CCDC144A: variants seen among roughly 807,000 people sequenced by gnomAD.
CCDC144A encodes coiled-coil domain containing 144A.
Under a neutral mutation model 143.8 loss-of-function variants are expected in CCDC144A, and 41 were observed. The ratio of observed to expected loss-of-function variants is 0.29; its 90% confidence interval spans 0.22 to 0.37. The LOEUF (loss-of-function observed/expected upper bound fraction) is 0.37, where lower values mean the gene tolerates loss of function less well. CCDC144A is among the 10% of genes least tolerant of loss of function. CCDC144A has a pLI of 1.00. For synonymous variants in CCDC144A, 242 were observed against 517.9 expected (o/e 0.47, Z 7.23); for missense variants, 637 against 1,488.8 (o/e 0.43, Z 9.41).
At chr17:16,691,645 G>A (rs1031381859) in intron 1 of CCDC144A, among the ~76,000 whole-genome samples, 2 of 152,030 alleles carry the variant, frequency 1.3e-5, no homozygotes, top group Non-Finnish European at 2.9e-5. Context: ...GGCGCCTGTA[G>A]TCCCAGCTAC....
At chr17:16,728,371 A>G (rs1273793338) in intron 9 of CCDC144A, among the ~76,000 whole-genome samples, 1 of 152,182 alleles carries the variant, frequency 6.6e-6, no homozygotes, top group African/African-American at 2.4e-5. Context: ...GTTTTTCTAC[A>G]TTCCTAAACT....
chr17:16,674,718 G>T, the CCDC144A span, among the ~76,000 whole-genome samples: 7 of 152,108 alleles, frequency 4.6e-5, no homozygotes, highest in South Asian at 1.5e-3. Context: ...CCAACAATAT[G>T]ATAAACTTCT....
At chr17:16,717,736 G>GT (rs1912858361) in intron 6 of CCDC144A, among the ~76,000 whole-genome samples, 5 of 152,008 alleles carry the variant, frequency 3.3e-5, no homozygotes, top group Non-Finnish European at 5.9e-5. Flanking sequence ...TCATAACTGT[G>GT]TTTTTTGAAT....
Position 16,777,476 on chromosome 17 carries a change from C to T in CCDC144A, c.*3843C>T, listed in dbSNP as rs2143433474. The T allele has an allele frequency of 6.9e-6, 1 of 144,444 alleles. No homozygotes were observed. Among genetic ancestry groups the T allele is most frequent in the South Asian group, 2.3e-4 (1 of 4,400 alleles). 8.9% of individuals were successfully genotyped at this position (144,444 alleles called of 1,614,324 possible). ...ATATGATAGGGCACAAAACAAGTCT[C>T]AGTAAATTTAAGAAAATCAGAATTA... is the stretch of plus-strand genomic sequence containing the variant. On this transcript the variant is annotated 3_prime_UTR_variant, in exon 17 of 17. Coordinates refer to ENST00000399273, the MANE Select transcript of CCDC144A (RefSeq NM_001382000.1).
chr17:16,687,424 A>G (rs1442736330), upstream of CCDC144A, among the ~76,000 whole-genome samples: 1 of 152,104 alleles, frequency 6.6e-6, no homozygotes, highest in Non-Finnish European at 1.5e-5. Context: ...TTCAAAAACA[A>G]TATTAGTCTT....
At chr17:16,687,835 T>C (rs1236445389), upstream of CCDC144A, among the ~76,000 whole-genome samples, 3 of 152,176 alleles carry the variant, frequency 2.0e-5, no homozygotes, top group Admixed American at 6.5e-5. Context: ...GGGCATTTCA[T>C]TCCTCTGATC....
intron 12 of CCDC144A, chr17:16,737,594 G>A (rs2261445): frequency 0.064 from 82,720 of 1,296,596 alleles, 3,276 homozygotes; most frequent in East Asian, 0.16. Flanking sequence ...AACAACCTAC[G>A]TCAGAGGCTA....
chr17:16,671,822 GAAAC>G, the CCDC144A span, among the ~76,000 whole-genome samples: 5 of 151,962 alleles, frequency 3.3e-5, 1 homozygote, highest in Non-Finnish European at 7.4e-5. Flanking sequence ...GAGACAGGCT[GAAAC>G]AAACAAGAAA....
chr17:16,684,166 G>A, the CCDC144A span: 26 of 1,140,996 alleles, frequency 2.3e-5, 2 homozygotes, highest in South Asian at 3.2e-4. Context: ...CAGGGAAAGA[G>A]GTGATCAACA....
rs148291654 is a variant in CCDC144A, at chr17:16,768,317, A to G, written c.4099-3660A>G. ...CCCCAATAAAACTTGTTTAATACCA[A>G]ACAGGTCCTATTAAGAATTCCTTCA... On this transcript the variant is annotated intron_variant, in intron 15 of 16. Transcript: ENST00000399273. Among the ~76,000 whole-genome samples, 296 of 152,242 alleles carry G rather than the reference A, an allele frequency of 1.9e-3. 1 individual carries two copies. The highest frequency in any genetic ancestry group is 6.6e-3 in the African/African-American group (276 of 41,534).
At position 16,724,787 on chromosome 17, in the gene CCDC144A, A is replaced by ATTTT. The variant is rs760344292; in HGVS notation, c.1892-2707_1892-2704dup. Among the ~76,000 whole-genome samples, 102 of 35,046 alleles carry ATTTT rather than the reference A, an allele frequency of 2.9e-3. 7 individuals are homozygous for ATTTT. Among genetic ancestry groups the ATTTT allele is most frequent in the Non-Finnish European group, 3.8e-3 (73 of 19,292 alleles). 23.0% of individuals were successfully genotyped at this position (35,046 alleles called of 152,430 possible). ...AGATTACACGTTCTTGATTAACTGA[A>ATTTT]TTTTTTTTTTTTTTTTTTTTTTTTT... On this transcript the variant is annotated intron_variant, in intron 8 of 16. Transcript: ENST00000399273.
the CCDC144A span, among the ~76,000 whole-genome samples, chr17:16,668,919 C>T: frequency 6.6e-6 from 1 of 152,128 alleles, no homozygotes; most frequent in Non-Finnish European, 1.5e-5. Context: ...TAATTACCTT[C>T]AAAGGCCCTA....
rs2143180263 is a variant in CCDC144A, at chr17:16,720,555, C to T, written c.1788C>T (p.Asp596=). ...TATATCCTGAGGCTGACTTTGCTGA[C>T]TCAATGGAGCCATCTGAAATAGCCT... ...NQIYPEADFA[D]SMEPSEIASE... is the part of the protein sequence containing the mutation. The change falls in exon 8 of 17, where the codon GAC becomes GAT. Residue 596 remains aspartate (D), a synonymous_variant. Coordinates refer to ENST00000399273, the MANE Select transcript of CCDC144A (RefSeq NM_001382000.1). 6.2e-7 allele frequency: 1 copy of T among 1,606,576 alleles called. No individual in the cohort carries two copies. The highest frequency in any genetic ancestry group is 2.2e-5 in the East Asian group (1 of 44,832).
chr17:16,667,395 A>C, the CCDC144A span, among the ~76,000 whole-genome samples: 1 of 147,324 alleles, frequency 6.8e-6, no homozygotes, highest in African/African-American at 2.5e-5. Context: ...GAGGGGCTTG[A>C]GGGGCCGAGC....
rs1915976335 is a variant in CCDC144A at position 16,775,585 on chromosome 17, T to G, written c.*1952T>G. 6.6e-6 allele frequency: 1 copy of G among 152,228 alleles called. No individual in the cohort carries two copies. Among genetic ancestry groups the G allele is most frequent in the Non-Finnish European group, 1.5e-5 (1 of 68,052 alleles). 9.4% of individuals were successfully genotyped at this position (152,228 alleles called of 1,614,324 possible). A position where few individuals can be genotyped will look rare whatever the true frequency, so the allele number is the denominator to read the frequency against. The stretch of plus-strand genomic sequence containing the variant: ...TTCTTGTAAATTTGTTTAAGTTCCT[T>G]GTAGATGCTGGATATTAGACCTTTG... On this transcript the variant is annotated 3_prime_UTR_variant, in exon 17 of 17. Transcript: ENST00000399273.
the CCDC144A span, among the ~76,000 whole-genome samples, chr17:16,674,429 A>G: frequency 2.0e-5 from 3 of 152,110 alleles, no homozygotes; most frequent in Non-Finnish European, 2.9e-5. Context: ...GTTACATTGA[A>G]AAGAAAGTTG....
chr17:16,736,442 T>C (rs920118604), intron 12 of CCDC144A, among the ~76,000 whole-genome samples: 31 of 151,928 alleles, frequency 2.0e-4, no homozygotes, highest in African/African-American at 7.5e-4. Context: ...TAAATCATAA[T>C]TTGGGACAGA....
rs1555533275 is a variant in CCDC144A, at chr17:16,729,867, AAT to A, written c.2106-1918_2106-1917del. Reference sequence around the variant, plus strand: ...GCGAGACTCTGTCTCAAAAAAAAAAAATATATATATATATATGAATTGTATGG... The same window carrying A: ...GCGAGACTCTGTCTCAAAAAAAAAAAATATATATATATATGAATTGTATGG... On this transcript the variant is annotated intron_variant, in intron 9 of 16. Coordinates refer to ENST00000399273, the MANE Select transcript of CCDC144A (RefSeq NM_001382000.1). Among the ~76,000 whole-genome samples the A allele has an allele frequency of 4.9e-4, 69 of 141,238 alleles. 1 individual carries two copies. The South Asian group carries it at 0.013, about 27-fold the overall frequency. The allele number at this position is 141,238 out of a possible 152,430, so 92.7% of individuals were successfully genotyped here. A position where few individuals can be genotyped will look rare whatever the true frequency, so the allele number is the denominator to read the frequency against.
intron 12 of CCDC144A, among the ~76,000 whole-genome samples, chr17:16,744,678 T>G: frequency 6.6e-6 from 1 of 152,082 alleles, no homozygotes; most frequent in Non-Finnish European, 1.5e-5. Flanking sequence ...CTTGAATGGT[T>G]CCTTTTCCTA....
Sources: allele counts gnomAD v4.1 joint callset (sites outside exome capture counted in the v4.1 genomes callset), GRCh38; gene constraint gnomAD v4.1.1; transcripts MANE v1.5; gene names NCBI Gene and HGNC (gene_info 2026-07-23, HGNC 2026-07-21).